Variants in CFAP92 observed in about 807,000 individuals in gnomAD.
CFAP92 encodes the protein cilia and flagella associated protein 92 (putative).
Under a neutral mutation model 106.3 loss-of-function variants are expected in CFAP92, and 86 were observed. That is an observed-to-expected ratio of 0.81 (90% CI 0.68 to 0.97). CFAP92 has a LOEUF of 0.97. Ranked by LOEUF, CFAP92 falls within the 50% of genes least tolerant of loss-of-function variation. The probability of loss-of-function intolerance (pLI) is 0.00; values close to 1 mark genes in which losing one functional copy is unlikely to be tolerated. For synonymous variants in CFAP92, 477 were observed against 506.4 expected (o/e 0.94, Z 0.78); for missense variants, 1,204 against 1,283.8 (o/e 0.94, Z 0.95).
chr3:128,927,844 G>A (rs538410223), intron 12 of CFAP92, among the ~76,000 whole-genome samples: 3 of 151,912 alleles, frequency 2.0e-5, no homozygotes. Flanking sequence ...AAGAACTACA[G>A]AAATCTCTGA....
chr3:128,931,733 G>A (rs1044299864), intron 12 of CFAP92, among the ~76,000 whole-genome samples: 1 of 151,740 alleles, frequency 6.6e-6, no homozygotes, highest in South Asian at 2.1e-4. Flanking sequence ...TCCACTAATG[G>A]AAAAAACAGC....
At chr3:129,022,034 G>C in the CFAP92 span, among the ~76,000 whole-genome samples, 1 of 152,194 alleles carries the variant, frequency 6.6e-6, no homozygotes, top group South Asian at 2.1e-4. Context: ...CAGGCGCAGA[G>C]CTCTGCTCTC....
chr3:128,923,377 C>T (rs1014441332), intron 12 of CFAP92, among the ~76,000 whole-genome samples: 2 of 152,168 alleles, frequency 1.3e-5, no homozygotes, highest in South Asian at 2.1e-4. Flanking sequence ...ACTGCTGCAG[C>T]GCCAGGGTTT....
At chr3:128,925,723 T>C (rs1467139653) in intron 12 of CFAP92, among the ~76,000 whole-genome samples, 1 of 152,004 alleles carries the variant, frequency 6.6e-6, no homozygotes, top group East Asian at 1.9e-4. Flanking sequence ...CATGGCAAGT[T>C]AAATACAAAG....
At chr3:129,009,331 C>G in the CFAP92 span, among the ~76,000 whole-genome samples, 1 of 152,184 alleles carries the variant, frequency 6.6e-6, no homozygotes, top group Non-Finnish European at 1.5e-5. Context: ...CAGGTACTCA[C>G]GTAGTGTTAC....
chr3:128,975,953 G>A (rs1407498058), intron 6 of CFAP92, 50 bp from the exon 7 acceptor site: 17 of 1,550,990 alleles, frequency 1.1e-5, no homozygotes, highest in Admixed American at 2.1e-5. Flanking sequence ...AAAATCAGGG[G>A]CCAGATCTGA....
upstream of CFAP92, among the ~76,000 whole-genome samples, chr3:129,002,995 A>T (rs908169893): frequency 1.3e-5 from 2 of 152,120 alleles, no homozygotes; most frequent in African/African-American, 4.8e-5. Context: ...ACAAACACTT[A>T]AGCACTGTGC....
intron 10 of CFAP92, among the ~76,000 whole-genome samples, chr3:128,942,530 T>A (rs2107723003): frequency 6.6e-6 from 1 of 152,296 alleles, no homozygotes; most frequent in Admixed American, 6.5e-5. Context: ...TCAGCCTCCA[T>A]CCTGTGACTG....
At chr3:128,933,443 C>T (rs761369962) in intron 11 of CFAP92, among the ~76,000 whole-genome samples, 2 of 152,230 alleles carry the variant, frequency 1.3e-5, no homozygotes, top group African/African-American at 2.4e-5. Flanking sequence ...TCAAGGACCT[C>T]CCCAGCCCCA....
At chr3:128,987,105 G>A (rs1456207630) in intron 4 of CFAP92, among the ~76,000 whole-genome samples, 1 of 152,072 alleles carries the variant, frequency 6.6e-6, no homozygotes, top group Non-Finnish European at 1.5e-5. Flanking sequence ...AGGTTGCAGT[G>A]AGCCGAGATC....
At chr3:128,971,491 A>G in intron 7 of CFAP92, 58 bp from the exon 8 acceptor site, 1 of 1,358,750 alleles carries the variant, frequency 7.4e-7, no homozygotes, top group South Asian at 1.4e-5. Context: ...GAGCTGCCAT[A>G]TGTGGACCTG....
chr3:128,918,834 T>G (rs1937032595), intron 12 of CFAP92, among the ~76,000 whole-genome samples: 1 of 151,792 alleles, frequency 6.6e-6, no homozygotes, highest in African/African-American at 2.4e-5. Flanking sequence ...ACTTGATCTA[T>G]CCAAGGAACA....
At position 128,965,574 on chromosome 3, in the gene CFAP92, C is replaced by T. The variant is rs925028485; in HGVS notation, c.1290G>A (p.Leu430=). ...TEEQKQDLNP[L]TIKIKCASCL... ...AGGAAGCACACTTGATCTTTATGGT[C>T]AGGGGATTTAAATCCTGCTTTTGCT... Residue 430 remains leucine, a synonymous_variant, in exon 9 of 16, where the codon CTG becomes CTA. Coordinates refer to ENST00000645291, the MANE Select transcript of CFAP92 (RefSeq NM_001394090.1). 4 of 398,806 alleles carry T rather than the reference C, an allele frequency of 1.0e-5. No homozygotes were observed. The highest frequency in any genetic ancestry group is 1.8e-5 in the Non-Finnish European group (4 of 226,066). The allele number at this position is 398,806 out of a possible 1,614,324, so 24.7% of individuals were successfully genotyped here. A position where few individuals can be genotyped will look rare whatever the true frequency, so the allele number is the denominator to read the frequency against.
intron 5 of CFAP92, 105 bp downstream of exon 5, chr3:128,977,940 A>G: frequency 6.9e-7 from 1 of 1,455,756 alleles, no homozygotes; most frequent in Non-Finnish European, 9.5e-7. Flanking sequence ...CTGCCAATAC[A>G]CAGGAGGGAC....
chr3:128,918,940 ATTT>A (rs10573280), intron 12 of CFAP92, among the ~76,000 whole-genome samples: 11,117 of 105,680 alleles, frequency 0.11, 551 homozygotes, highest in African/African-American at 0.23. Context: ...CTCAGATTGG[ATTT>A]TTTTTTTTTT....
chr3:128,980,697 A>C (rs574976270), intron 4 of CFAP92, among the ~76,000 whole-genome samples: 1 of 152,218 alleles, frequency 6.6e-6, no homozygotes, highest in Non-Finnish European at 1.5e-5. Flanking sequence ...AACAATGTTC[A>C]CAGCCTCTTC....
At chr3:128,913,105 T>C (rs553925379) in intron 15 of CFAP92, 1 of 450,796 alleles carries the variant, frequency 2.2e-6, no homozygotes, top group African/African-American at 2.0e-5. Context: ...TCACAATCTG[T>C]GTACTGTTAG....
chr3:128,977,202 A>G, intron 5 of CFAP92, 136 bp from the exon 6 acceptor site: 1 of 672,022 alleles, frequency 1.5e-6, no homozygotes, highest in Non-Finnish European at 2.7e-6. Flanking sequence ...GGATATTGTT[A>G]ATAACTGAGT....
At chr3:129,002,022 G>A in intron 1 of CFAP92, 1 of 1,544,882 alleles carries the variant, frequency 6.5e-7, no homozygotes, top group South Asian at 1.2e-5. Flanking sequence ...GGCGCGCCTG[G>A]CGCTGCGCGC....
Sources: gnomAD v4.1 joint callset for allele counts (sites outside exome capture counted in the v4.1 genomes callset) on GRCh38, gnomAD v4.1.1 for gene constraint, MANE v1.5 for transcripts, NCBI Gene and HGNC (gene_info 2026-07-23, HGNC 2026-07-21) for gene names.